LOC128125817: variants seen among roughly 807,000 people sequenced by gnomAD.
the LOC128125817 span, among the ~76,000 whole-genome samples, chr1:41,598,928 A>G: frequency 1.3e-5 from 2 of 151,880 alleles, no homozygotes; most frequent in African/African-American, 4.8e-5. Context: ...TGATTCTCCC[A>G]CCTCAGCCTC....
chr1:41,604,435 G>A, the LOC128125817 span, among the ~76,000 whole-genome samples: 9 of 152,158 alleles, frequency 5.9e-5, no homozygotes, highest in East Asian at 5.8e-4. Context: ...ACTATATGCC[G>A]TGTGATGATG....
At chr1:41,600,527 G>A in the LOC128125817 span, among the ~76,000 whole-genome samples, 1 of 152,180 alleles carries the variant, frequency 6.6e-6, no homozygotes, top group African/African-American at 2.4e-5. Context: ...GAGACAGAAA[G>A]TCAACTGGTG....
At chr1:41,625,751 A>G in the LOC128125817 span, among the ~76,000 whole-genome samples, 7 of 152,190 alleles carry the variant, frequency 4.6e-5, no homozygotes. Flanking sequence ...ATAAATAAAT[A>G]AAGTCTTTTG....
chr1:41,610,102 C>T, the LOC128125817 span, among the ~76,000 whole-genome samples: 1 of 152,198 alleles, frequency 6.6e-6, no homozygotes, highest in African/African-American at 2.4e-5. Flanking sequence ...GCCCATCCTG[C>T]AGATTTTGGA....
At chr1:41,623,899 G>T in the LOC128125817 span, among the ~76,000 whole-genome samples, 1 of 59,532 alleles carries the variant, frequency 1.7e-5, no homozygotes, top group African/African-American at 1.5e-4. Flanking sequence ...TCTGCATGCC[G>T]ATCAGAGTGA....
the LOC128125817 span, among the ~76,000 whole-genome samples, chr1:41,622,254 G>C: frequency 6.6e-6 from 1 of 152,200 alleles, no homozygotes; most frequent in East Asian, 1.9e-4. Flanking sequence ...AATAAAGACA[G>C]GGTACCACAG....
the LOC128125817 span, among the ~76,000 whole-genome samples, chr1:41,614,625 G>A: frequency 1.3e-5 from 2 of 152,032 alleles, no homozygotes; most frequent in Admixed American, 6.5e-5. Flanking sequence ...GTAGATTTGA[G>A]GTAATTTACA....
chr1:41,616,160 T>A, the LOC128125817 span, among the ~76,000 whole-genome samples: 1 of 151,690 alleles, frequency 6.6e-6, no homozygotes, highest in Non-Finnish European at 1.5e-5. Context: ...CAAGGTGGAG[T>A]CCATTTCAGA....
chr1:41,619,933 C>G, the LOC128125817 span, among the ~76,000 whole-genome samples: 2,283 of 152,234 alleles, frequency 0.015, 69 homozygotes, highest in African/African-American at 0.052. Context: ...TTTTAGGCAT[C>G]CTGAATTTGC....
the LOC128125817 span, among the ~76,000 whole-genome samples, chr1:41,627,168 T>G: frequency 6.6e-6 from 1 of 152,224 alleles, no homozygotes; most frequent in Admixed American, 6.5e-5. Flanking sequence ...GTGGCCCAAC[T>G]GCCCACACAC....
chr1:41,590,566 CAG>C, the LOC128125817 span, among the ~76,000 whole-genome samples: 3 of 152,234 alleles, frequency 2.0e-5, no homozygotes, highest in Admixed American at 2.0e-4. Flanking sequence ...GACAAGAAGA[CAG>C]TGTGAAGCAA....
chr1:41,609,107 G>A, the LOC128125817 span, among the ~76,000 whole-genome samples: 1 of 152,084 alleles, frequency 6.6e-6, no homozygotes, highest in African/African-American at 2.4e-5. Context: ...AATTCCTAGG[G>A]AAGAGGTGGA....
the LOC128125817 span, among the ~76,000 whole-genome samples, chr1:41,600,536 T>C: frequency 6.6e-6 from 1 of 152,116 alleles, no homozygotes; most frequent in Non-Finnish European, 1.5e-5. Context: ...AGTCAACTGG[T>C]GGTTGCCAGA....
chr1:41,614,076 C>T, the LOC128125817 span, among the ~76,000 whole-genome samples: 3 of 152,200 alleles, frequency 2.0e-5, no homozygotes. Flanking sequence ...GCCATCAGGG[C>T]AGTGTGGCGT....
At chr1:41,598,394 A>G in the LOC128125817 span, among the ~76,000 whole-genome samples, 6 of 152,372 alleles carry the variant, frequency 3.9e-5, no homozygotes, top group East Asian at 1.2e-3. Context: ...AGCAATACAT[A>G]GAATACACAA....
At chr1:41,589,813 T>TAC in the LOC128125817 span, among the ~76,000 whole-genome samples, 3 of 152,088 alleles carry the variant, frequency 2.0e-5, no homozygotes, top group African/African-American at 7.2e-5. Context: ...GTAATTTACT[T>TAC]ACACACACAC....
At chr1:41,624,358 A>C in the LOC128125817 span, among the ~76,000 whole-genome samples, 1 of 152,376 alleles carries the variant, frequency 6.6e-6, no homozygotes, top group Non-Finnish European at 1.5e-5. Flanking sequence ...CTATTCTAAC[A>C]GAAAACGAGC....
chr1:41,620,657 AC>A, the LOC128125817 span, among the ~76,000 whole-genome samples: 1 of 152,010 alleles, frequency 6.6e-6, no homozygotes, highest in Admixed American at 6.6e-5. Flanking sequence ...AGCAGCTCTC[AC>A]ATTCAATATG....
chr1:41,621,364 C>T, the LOC128125817 span, among the ~76,000 whole-genome samples: 1 of 152,238 alleles, frequency 6.6e-6, no homozygotes, highest in African/African-American at 2.4e-5. Flanking sequence ...TCTAAGCTTC[C>T]TCACCACCCC....
Sources: allele counts gnomAD v4.1 joint callset (sites outside exome capture counted in the v4.1 genomes callset), GRCh38; gene constraint gnomAD v4.1.1; transcripts MANE v1.5.